NTM: variants seen among roughly 807,000 people sequenced by gnomAD.
The protein encoded by NTM is neurotrimin, also known as IgLON family member 2.
In NTM, 13 loss-of-function variants were observed where a neutral mutation model predicts 42.1. The observed-to-expected ratio is 0.31, with a 90% CI of 0.20 to 0.49. The LOEUF is 0.49. NTM is among the 20% of genes least tolerant of loss of function. The pLI is 0.99. For missense variants in NTM, 373 were observed against 452.8 expected, an observed-to-expected ratio of 0.82 and a Z score of 1.60; for synonymous variants, 187 against 179.2, an observed-to-expected ratio of 1.04 and a Z score of -0.35.
chr11:131,964,850 C>T (rs536686258), intron 2 of NTM, among the ~76,000 whole-genome samples: 9 of 152,112 alleles, frequency 5.9e-5, no homozygotes, highest in Non-Finnish European at 1.3e-4. Flanking sequence ...AATTGATGCC[C>T]CTCATACTAA....
chr11:131,762,990 C>T (rs1325905314), intron 1 of NTM, among the ~76,000 whole-genome samples: 1 of 152,202 alleles, frequency 6.6e-6, no homozygotes, highest in Non-Finnish European at 1.5e-5. Flanking sequence ...AAACAACGGG[C>T]TCGGTTCTGC....
chr11:132,225,543 G>T (rs953414767), intron 4 of NTM, among the ~76,000 whole-genome samples: 2 of 152,162 alleles, frequency 1.3e-5, no homozygotes, highest in African/African-American at 4.8e-5. Flanking sequence ...CTGGTGCTCA[G>T]GGAAGTGATG....
intron 3 of NTM, among the ~76,000 whole-genome samples, chr11:132,186,007 G>A (rs1270476992): frequency 1.3e-5 from 2 of 152,196 alleles, no homozygotes; most frequent in Non-Finnish European, 2.9e-5. Flanking sequence ...AGAAATGGGG[G>A]ATTACGGGAA....
intron 6 of NTM, 66 bp from the exon 7 acceptor site, chr11:132,314,486 T>TATC: frequency 5.3e-6 from 8 of 1,520,938 alleles, no homozygotes; most frequent in South Asian, 1.3e-5. Context: ...TCCCTGGGCC[T>TATC]ATCTTCTTCC....
At chr11:131,401,799 A>AATATATATAT (rs61167647) in intron 1 of NTM, among the ~76,000 whole-genome samples, 4 of 34,988 alleles carry the variant, frequency 1.1e-4, no homozygotes, top group Non-Finnish European at 1.5e-4. Context: ...GGCCACTGGA[A>AATATATATAT]ATATATATAT....
intron 4 of NTM, among the ~76,000 whole-genome samples, chr11:132,302,047 G>A (rs2094883896): frequency 6.6e-6 from 1 of 152,170 alleles, no homozygotes; most frequent in South Asian, 2.1e-4. Context: ...CCAAAGGGAT[G>A]TTATGCACAC....
chr11:131,550,308 T>A (rs1320726425), intron 1 of NTM, among the ~76,000 whole-genome samples: 1 of 152,128 alleles, frequency 6.6e-6, no homozygotes, highest in Non-Finnish European at 1.5e-5. Context: ...TAGCTGAGTG[T>A]GGTGGCATGC....
chr11:132,194,201 A>G (rs1443574714), intron 3 of NTM, among the ~76,000 whole-genome samples: 2 of 152,166 alleles, frequency 1.3e-5, no homozygotes. Flanking sequence ...TGATGAACAT[A>G]GGTACAAAAA....
chr11:131,822,432 A>G (rs190715506), intron 1 of NTM, among the ~76,000 whole-genome samples: 1 of 152,360 alleles, frequency 6.6e-6, no homozygotes, highest in Non-Finnish European at 1.5e-5. Context: ...ATGGAATTGC[A>G]CTAAATGAAT....
intron 2 of NTM, among the ~76,000 whole-genome samples, chr11:132,091,176 G>A (rs768012225): frequency 4.6e-5 from 7 of 152,092 alleles, no homozygotes; most frequent in Non-Finnish European, 1.0e-4. Context: ...GATTGCTTGA[G>A]CCTAGGAGCT....
intron 1 of NTM, among the ~76,000 whole-genome samples, chr11:131,736,525 A>T (rs974147105): frequency 1.3e-5 from 2 of 152,302 alleles, no homozygotes; most frequent in South Asian, 4.1e-4. Flanking sequence ...CTTTCTGCCA[A>T]TCAGCCCAAA....
At chr11:131,904,673 G>T (rs1008071430) in intron 1 of NTM, among the ~76,000 whole-genome samples, 4 of 152,192 alleles carry the variant, frequency 2.6e-5, no homozygotes, top group African/African-American at 7.2e-5. Flanking sequence ...AGACATTGTG[G>T]CTCACTTTAC....
At chr11:132,332,190 G>GGATGTCTCATTT (rs2095812952) in intron 8 of NTM, 1 of 152,262 alleles carries the variant, frequency 6.6e-6, no homozygotes, top group African/African-American at 2.4e-5. Context: ...TCCTTTGGGA[G>GGATGTCTCATTT]GATGTCTCAT....
intron 4 of NTM, among the ~76,000 whole-genome samples, chr11:132,241,009 C>G (rs1460497767): frequency 6.6e-6 from 1 of 152,184 alleles, no homozygotes; most frequent in Non-Finnish European, 1.5e-5. Context: ...GCAGCCAAAA[C>G]TTTGTTTCAC....
At chr11:131,929,073 A>G (rs1012919236) in intron 2 of NTM, among the ~76,000 whole-genome samples, 2 of 152,278 alleles carry the variant, frequency 1.3e-5, no homozygotes, top group Non-Finnish European at 2.9e-5. Flanking sequence ...ACTCGAGAAG[A>G]CAATGAAGAA....
At chr11:132,280,780 CT>C (rs566891855) in intron 4 of NTM, among the ~76,000 whole-genome samples, 54 of 152,242 alleles carry the variant, frequency 3.5e-4, no homozygotes, top group Admixed American at 1.4e-3. Context: ...GTCACCACCC[CT>C]GGCCTCTGAT....
chr11:131,452,855 CTTTA>C (rs964671381), intron 1 of NTM, among the ~76,000 whole-genome samples: 10 of 152,322 alleles, frequency 6.6e-5, no homozygotes, highest in Middle Eastern at 3.4e-3. Context: ...GAGGCTGCTA[CTTTA>C]TTTAATAAAC....
chr11:131,969,953 C>T (rs1403465113), intron 2 of NTM, among the ~76,000 whole-genome samples: 1 of 152,176 alleles, frequency 6.6e-6, no homozygotes, highest in Non-Finnish European at 1.5e-5. Flanking sequence ...GTAGCAGGGA[C>T]CACAAGTGCG....
chr11:131,731,146 A>ACCT (rs760735511), intron 1 of NTM, among the ~76,000 whole-genome samples: 1 of 151,550 alleles, frequency 6.6e-6, no homozygotes, highest in Non-Finnish European at 1.5e-5. Context: ...TGTGTGGCGC[A>ACCT]CCTCCTCCTC....
Sources: allele counts gnomAD v4.1 joint callset (sites outside exome capture counted in the v4.1 genomes callset), GRCh38; gene constraint gnomAD v4.1.1; transcripts MANE v1.5; gene names NCBI Gene and HGNC (gene_info 2026-07-23, HGNC 2026-07-21).